SCHIP1: variants seen among roughly 807,000 people sequenced by gnomAD.
SCHIP1 encodes the protein schwannomin interacting protein 1.
SCHIP1 carries 8 observed loss-of-function variants against 29.7 expected under a neutral mutation model. That is an observed-to-expected ratio of 0.27 (90% CI 0.16 to 0.49). The LOEUF is 0.49. Among genes scored for constraint, SCHIP1 ranks in the 20% least tolerant of loss-of-function variants. The probability of loss-of-function intolerance (pLI) is 0.99; values close to 1 mark genes in which losing one functional copy is unlikely to be tolerated. For synonymous variants in SCHIP1, 76 were observed against 94.9 expected (o/e 0.80, Z 1.16); for missense variants, 193 against 294.6 (o/e 0.66, Z 2.52).
chr3:159,412,958 G>T, the SCHIP1 span, among the ~76,000 whole-genome samples: 4 of 152,146 alleles, frequency 2.6e-5, no homozygotes, highest in Non-Finnish European at 5.9e-5. Flanking sequence ...AAAGGAAAAA[G>T]GTTTAATTGG....
At chr3:159,803,588 G>A in the SCHIP1 span, among the ~76,000 whole-genome samples, 1 of 152,136 alleles carries the variant, frequency 6.6e-6, no homozygotes, top group African/African-American at 2.4e-5. Flanking sequence ...GTCCAAACCT[G>A]CAGTTACTTC....
the SCHIP1 span, among the ~76,000 whole-genome samples, chr3:159,491,263 C>T: frequency 2.0e-5 from 3 of 152,202 alleles, no homozygotes; most frequent in Admixed American, 2.0e-4. Context: ...GGGTGAAGGA[C>T]AGTGGGCGCA....
the SCHIP1 span, among the ~76,000 whole-genome samples, chr3:159,593,483 C>A: frequency 6.6e-6 from 1 of 152,166 alleles, no homozygotes; most frequent in Non-Finnish European, 1.5e-5. Flanking sequence ...CCTCCATCAT[C>A]AAGCAGCCAT....
the SCHIP1 span, among the ~76,000 whole-genome samples, chr3:159,348,126 C>T: frequency 6.6e-6 from 1 of 152,096 alleles, no homozygotes; most frequent in Non-Finnish European, 1.5e-5. Context: ...AAATTTTAGA[C>T]TCAATGTTCT....
chr3:159,347,969 G>A, the SCHIP1 span, among the ~76,000 whole-genome samples: 1 of 152,114 alleles, frequency 6.6e-6, no homozygotes. Flanking sequence ...GTGCTTTATG[G>A]TGTCTTTTAA....
the SCHIP1 span, among the ~76,000 whole-genome samples, chr3:159,538,140 T>C: frequency 6.6e-6 from 1 of 152,066 alleles, no homozygotes; most frequent in Admixed American, 6.6e-5. Context: ...AGAAAAAACA[T>C]GTAGTGCAAG....
the SCHIP1 span, chr3:159,765,040 C>G: frequency 2.6e-6 from 4 of 1,553,190 alleles, no homozygotes; most frequent in Non-Finnish European, 3.5e-6. Flanking sequence ...CCCGGTGCCA[C>G]CTATGGATTG....
At chr3:159,779,646 C>G in the SCHIP1 span, among the ~76,000 whole-genome samples, 6 of 152,100 alleles carry the variant, frequency 3.9e-5, no homozygotes, top group East Asian at 1.2e-3. Flanking sequence ...GCACTGCAGT[C>G]CATGAGACTC....
intron 1 of SCHIP1, among the ~76,000 whole-genome samples, chr3:159,858,011 G>A (rs1230423229): frequency 6.6e-6 from 1 of 152,138 alleles, no homozygotes; most frequent in Non-Finnish European, 1.5e-5. Flanking sequence ...ATTCTACACA[G>A]GAGGTTGAGG....
the SCHIP1 span, among the ~76,000 whole-genome samples, chr3:159,752,203 C>A: frequency 6.6e-6 from 1 of 152,040 alleles, no homozygotes; most frequent in Non-Finnish European, 1.5e-5. Context: ...TTCTTTATAG[C>A]GGTGCAAGAA....
chr3:159,759,092 G>A, the SCHIP1 span, among the ~76,000 whole-genome samples: 2 of 152,108 alleles, frequency 1.3e-5, no homozygotes, highest in African/African-American at 4.8e-5. Flanking sequence ...TGAGGAAAAT[G>A]TAGAAAACAA....
the SCHIP1 span, among the ~76,000 whole-genome samples, chr3:159,528,722 C>T: frequency 6.6e-6 from 1 of 152,220 alleles, no homozygotes; most frequent in African/African-American, 2.4e-5. Context: ...TGGGCAGCTG[C>T]CTGCATCCCC....
At chr3:159,452,290 C>T in the SCHIP1 span, among the ~76,000 whole-genome samples, 1 of 152,020 alleles carries the variant, frequency 6.6e-6, no homozygotes, top group Non-Finnish European at 1.5e-5. Context: ...TTAATGCTAT[C>T]TCTCCCCTTG....
the SCHIP1 span, among the ~76,000 whole-genome samples, chr3:159,425,347 A>T: frequency 6.6e-6 from 1 of 151,030 alleles, no homozygotes; most frequent in South Asian, 2.1e-4. Context: ...ATGGAGGAAG[A>T]TCTACCAAGC....
chr3:159,509,927 A>C, the SCHIP1 span, among the ~76,000 whole-genome samples: 1 of 152,096 alleles, frequency 6.6e-6, no homozygotes, highest in Admixed American at 6.6e-5. Context: ...AACTTTGGTG[A>C]ATCTGACAAT....
At chr3:159,632,310 C>T in the SCHIP1 span, among the ~76,000 whole-genome samples, 2 of 152,184 alleles carry the variant, frequency 1.3e-5, no homozygotes, top group Non-Finnish European at 2.9e-5. Context: ...TTCAAAGAGA[C>T]ACTTCTCCCT....
At chr3:159,598,191 C>T in the SCHIP1 span, among the ~76,000 whole-genome samples, 2 of 152,104 alleles carry the variant, frequency 1.3e-5, no homozygotes, top group Non-Finnish European at 2.9e-5. Context: ...ATATTCTGCC[C>T]CTGGCCTCTC....
the SCHIP1 span, among the ~76,000 whole-genome samples, chr3:159,396,637 T>G: frequency 6.6e-6 from 1 of 152,184 alleles, no homozygotes; most frequent in Admixed American, 6.5e-5. Context: ...TTAAGAATGT[T>G]GAATATTGGC....
the SCHIP1 span, among the ~76,000 whole-genome samples, chr3:159,675,590 C>T: frequency 6.6e-6 from 1 of 152,188 alleles, no homozygotes; most frequent in Non-Finnish European, 1.5e-5. Flanking sequence ...TTGGTCTGCA[C>T]AAAGTGTTTA....
Sources: allele counts gnomAD v4.1 joint callset (sites outside exome capture counted in the v4.1 genomes callset), GRCh38; gene constraint gnomAD v4.1.1; transcripts MANE v1.5; gene names NCBI Gene and HGNC (gene_info 2026-07-23, HGNC 2026-07-21).